The following DSEL variants were observed in gnomAD, a reference collection of about 807,000 sequenced individuals.
DSEL encodes dermatan sulfate epimerase like, also known as dermatan-sulfate epimerase-like protein.
A neutral mutation model predicts 96.6 loss-of-function variants in DSEL; 61 were observed. That is an observed-to-expected ratio of 0.63 (90% confidence interval 0.51 to 0.78). The LOEUF (loss-of-function observed/expected upper bound fraction) is 0.78. DSEL is among the 30% of genes least tolerant of loss of function. The probability of loss-of-function intolerance (pLI) is 0.00; values close to 1 mark genes in which losing one functional copy is unlikely to be tolerated. For missense variants in DSEL, 1,320 were observed against 1,430.8 expected, an observed-to-expected ratio of 0.92 and a Z score of 1.25; for synonymous variants, 514 against 502.0, an observed-to-expected ratio of 1.02 and a Z score of -0.32.
chr18:67,511,236 C>T lies in DSEL; in HGVS notation c.3373G>A (p.Val1125Ile). 1 of 1,613,500 alleles carries T rather than the reference C, an allele frequency of 6.2e-7. No individual in the cohort carries two copies. The change falls in exon 2 of 2, where the codon GTC (valine) becomes ATC (isoleucine). Residue 1125 changes from valine to isoleucine, a missense_variant. Physicochemically the swap from Val to Ile is conservative, Grantham distance 29. Transcript: ENST00000310045. Reference sequence around the variant, plus strand: ...AAATGCACAATATCTTCAAACTTGACCAGCTGGTAGCTAGTAGGCAGCAAA... The same window carrying T: ...AAATGCACAATATCTTCAAACTTGATCAGCTGGTAGCTAGTAGGCAGCAAA... ...TDLLPTSYQL[V>I]KFEDIVHFPQ...
Position 67,507,346 on chromosome 18 carries a change from CAAAAAAAAAAAAAA to C in DSEL, c.*3610_*3623del, listed in dbSNP as rs10708668. On this transcript the variant is annotated 3_prime_UTR_variant, in exon 2 of 2. Coordinates refer to ENST00000310045, the MANE Select transcript of DSEL (RefSeq NM_032160.3). ...TGGGCAACAAAGTGAGACTCCATCC[CAAAAAAAAAAAAAA>C]AAAAAAAAAAAAGAATGTTAGGTAT... 3.6e-5 allele frequency: 2 copies of C among 55,032 alleles called. No individual in the cohort carries two copies. The highest frequency in any genetic ancestry group is 7.9e-5 in the African/African-American group (1 of 12,596). The allele number at this position is 55,032 out of a possible 1,614,324, so 3.4% of individuals were successfully genotyped here. A position where few individuals can be genotyped will look rare whatever the true frequency, so the allele number is the denominator to read the frequency against.
In DSEL at chr18:67,512,540, G is replaced by A. The variant is rs1336508673; in HGVS notation, c.2069C>T (p.Ser690Phe). 3 of 1,614,016 alleles carry A rather than the reference G, an allele frequency of 1.9e-6. No individual in the cohort carries two copies. In the African/African-American group the frequency reaches 4.0e-5, roughly 22 times the overall value. Residue 690 changes from serine (S) to phenylalanine (F), a missense_variant, in exon 2 of 2, where the codon TCC (serine) becomes TTC (phenylalanine). Ser to Phe is a radical substitution (Grantham distance 155). Coordinates refer to ENST00000310045, the MANE Select transcript of DSEL (RefSeq NM_032160.3). ...YVFYGPYINV[S>F]SCRFIDSSNP... Reference sequence around the variant, plus strand: ...GGAACTATCAATAAATCTGCAGCTGGAGACATTGATATATGGCCCATAAAA... The same window carrying A: ...GGAACTATCAATAAATCTGCAGCTGAAGACATTGATATATGGCCCATAAAA...
Position 67,511,326 on chromosome 18 carries a change from C to A in DSEL, c.3283G>T (p.Ala1095Ser), listed in dbSNP as rs1270079247. The change falls in exon 2 of 2, where the codon GCA becomes TCA. Residue 1095 changes from alanine to serine, a missense_variant. Physicochemically the swap from Ala to Ser is moderately conservative, Grantham distance 99. This residue lies in a region of DSEL where 986 missense variants were observed against 1,066.4 expected (regional missense o/e 0.92). Transcript: ENST00000310045. The stretch of plus-strand genomic sequence containing the variant: ...CACAAGTGAGACAAGAGGGACACTG[C>A]ATTTGATTTGGATTTTGATAATTCT... ...RKELSKSKSNAVSLLSHLWLA... is the reference protein window; with the variant it reads ...RKELSKSKSNSVSLLSHLWLA... 6.2e-7 allele frequency: 1 copy of A among 1,606,514 alleles called. No individual in the cohort carries two copies. The highest frequency in any genetic ancestry group is 2.2e-5 in the East Asian group (1 of 44,874).
Position 67,511,411 on chromosome 18 carries a change from T to G in DSEL, c.3198A>C (p.Gly1066=). ...EHLAKLFKIE[G]GKGKCNLNSG... is the part of the protein sequence containing the mutation. ...AATTTAAGTTACATTTGCCTTTACC[T>G]CCCTCTATTTTAAACAATTTTGCTA... Residue 1066 remains glycine (G), a synonymous_variant, in exon 2 of 2, where the codon GGA becomes GGC. Transcript: ENST00000310045. 1 of 1,603,952 alleles carries G rather than the reference T, an allele frequency of 6.2e-7. No individual in the cohort carries two copies. The highest frequency in any genetic ancestry group is 1.1e-5 in the South Asian group (1 of 91,074).
chr18:67,508,904 ACTT>A lies in DSEL; in HGVS notation c.*2063_*2065del, dbSNP rs902224998. ...CCACCACGCCCGGCTAATTTTTTGTACTTTTTTTTTTAGTAGAGACGGGGTTTC... is the reference window on the plus strand; with the variant it reads ...CCACCACGCCCGGCTAATTTTTTGTATTTTTTTTAGTAGAGACGGGGTTTC... On this transcript the variant is annotated 3_prime_UTR_variant, in exon 2 of 2. Transcript: ENST00000310045. 1.2e-5 allele frequency: 1 copy of A among 86,540 alleles called. No individual in the cohort carries two copies. The highest frequency in any genetic ancestry group is 2.6e-5 in the Non-Finnish European group (1 of 39,112). 5.4% of individuals were successfully genotyped at this position (86,540 alleles called of 1,614,324 possible).
rs935355764 is a variant in DSEL, at chr18:67,510,715, C to T, written c.*255G>A. 2.3e-6 allele frequency: 1 copy of T among 442,928 alleles called. No individual in the cohort carries two copies. Among genetic ancestry groups the T allele is most frequent in the African/African-American group, 2.0e-5 (1 of 49,174 alleles). 27.4% of individuals were successfully genotyped at this position (442,928 alleles called of 1,614,324 possible). A position where few individuals can be genotyped will look rare whatever the true frequency, so the allele number is the denominator to read the frequency against. Reference sequence around the variant, plus strand: ...GACCCCATGATATAACTTCATCTACCACTCTGTAGCAGAAACTTTTTAGCA... The same window carrying T: ...GACCCCATGATATAACTTCATCTACTACTCTGTAGCAGAAACTTTTTAGCA... On this transcript the variant is annotated 3_prime_UTR_variant, in exon 2 of 2. Transcript: ENST00000310045.
chr18:67,512,033 G>A lies in DSEL; in HGVS notation c.2576C>T (p.Ser859Leu), dbSNP rs919422120. The change falls in exon 2 of 2, where the codon TCA (serine) becomes TTA (leucine). Residue 859 changes from serine (S) to leucine (L), a missense_variant. By Grantham distance (145) the Ser-to-Leu change is moderately radical. This residue lies in a region of DSEL where 986 missense variants were observed against 1,066.4 expected (regional missense o/e 0.92). Transcript: ENST00000310045. ...HMDLPDVVITSLPGSGAEILK... is the reference protein window; with the variant it reads ...HMDLPDVVITLLPGSGAEILK... Reference sequence around the variant, plus strand: ...AATTTCAGCTCCTGAACCAGGAAGTGAGGTAATGACAACATCAGGAAGATC... The same window carrying A: ...AATTTCAGCTCCTGAACCAGGAAGTAAGGTAATGACAACATCAGGAAGATC... 6.2e-7 allele frequency: 1 copy of A among 1,613,956 alleles called. No homozygotes were observed. Among genetic ancestry groups the A allele is most frequent in the African/African-American group, 1.3e-5 (1 of 74,938 alleles).
Position 67,510,862 on chromosome 18 carries a change from G to A in DSEL, c.*108C>T, listed in dbSNP as rs910631779. 1.7e-5 allele frequency: 14 copies of A among 817,610 alleles called. No individual in the cohort carries two copies. The East Asian group carries it at 1.9e-4, about 11-fold the overall frequency. The allele number at this position is 817,610 out of a possible 1,614,324, so 50.6% of individuals were successfully genotyped here. Reference sequence around the variant, plus strand: ...TGCAAACAACACTGAACACATACACGCGTGCACACACACACACACACTAAA... The same window carrying A: ...TGCAAACAACACTGAACACATACACACGTGCACACACACACACACACTAAA... On this transcript the variant is annotated 3_prime_UTR_variant, in exon 2 of 2. Transcript: ENST00000310045.
rs752742986 is a variant in DSEL, at chr18:67,511,229, A to G, written c.3380T>C (p.Phe1127Ser). ...LLPTSYQLVKFEDIVHFPQKT... is the reference protein window; with the variant it reads ...LLPTSYQLVKSEDIVHFPQKT... The stretch of plus-strand genomic sequence containing the variant: ...CTGAGGAAAATGCACAATATCTTCA[A>G]ACTTGACCAGCTGGTAGCTAGTAGG... The change falls in exon 2 of 2, where the codon TTT (phenylalanine) becomes TCT (serine). Residue 1127 changes from phenylalanine (F) to serine (S), a missense_variant. Physicochemically the swap from Phe to Ser is radical, Grantham distance 155. This residue lies in a region of DSEL where 986 missense variants were observed against 1,066.4 expected (regional missense o/e 0.92). Transcript: ENST00000310045. The G allele has an allele frequency of 6.2e-7, 1 of 1,613,706 alleles. No individual in the cohort carries two copies. Among genetic ancestry groups the G allele is most frequent in the Admixed American group, 1.7e-5 (1 of 60,026 alleles).
At position 67,516,701 on chromosome 18, in the gene DSEL, C is replaced by T. The variant is rs1210933305; in HGVS notation, c.-1225G>A. 3.3e-5 allele frequency: 5 copies of T among 151,622 alleles called. No homozygotes were observed. Among genetic ancestry groups the T allele is most frequent in the African/African-American group, 1.2e-4 (5 of 41,252 alleles). The allele number at this position is 151,622 out of a possible 1,614,324, so 9.4% of individuals were successfully genotyped here. A position where few individuals can be genotyped will look rare whatever the true frequency, so the allele number is the denominator to read the frequency against. On this transcript the variant is annotated 5_prime_UTR_variant, in exon 1 of 2. Transcript: ENST00000310045. The surrounding 1 kb of genome is among the most constrained non-coding windows in gnomAD (Gnocchi z 5.6). Reference sequence around the variant, plus strand: ...CCGCGTGCCCAGGCGGTGATGTCGCCGCGGCCGAGGATCCTCTGTGCCAGC... The same window carrying T: ...CCGCGTGCCCAGGCGGTGATGTCGCTGCGGCCGAGGATCCTCTGTGCCAGC...
At position 67,510,783 on chromosome 18, in the gene DSEL, AAAAT is replaced by A. The variant is rs2089436820; in HGVS notation, c.*183_*186del. 2.0e-6 allele frequency: 1 copy of A among 497,930 alleles called. No homozygotes were observed. The highest frequency in any genetic ancestry group is 3.4e-6 in the Non-Finnish European group (1 of 293,046). The allele number at this position is 497,930 out of a possible 1,614,324, so 30.8% of individuals were successfully genotyped here. A position where few individuals can be genotyped will look rare whatever the true frequency, so the allele number is the denominator to read the frequency against. On this transcript the variant is annotated 3_prime_UTR_variant, in exon 2 of 2. Transcript: ENST00000310045. ...CAAAGGCAAGGGAGGTGATGACATA[AAAAT>A]AAATCCTGCTAGGCCAAATATGGTG...
In DSEL at chr18:67,511,701, G is replaced by T. The variant is rs768953827; in HGVS notation, c.2908C>A (p.Gln970Lys). 2 of 1,614,056 alleles carry T rather than the reference G, an allele frequency of 1.2e-6. No individual in the cohort carries two copies. Among genetic ancestry groups the T allele is most frequent in the Non-Finnish European group, 8.5e-7 (1 of 1,179,994 alleles). Residue 970 changes from glutamine to lysine, a missense_variant, in exon 2 of 2, where the codon CAA becomes AAA. Around this residue, in one of 3 missense-constraint regions of DSEL, gnomAD observed 986 missense variants for 1,066.4 expected, o/e 0.92. Coordinates refer to ENST00000310045, the MANE Select transcript of DSEL (RefSeq NM_032160.3). The stretch of plus-strand genomic sequence containing the variant: ...AAGGCGCCTTTCATTTGACTTCTTT[G>T]TTCTGGCAAAGACTCTCTCCTTTTA... ...KFKRRESLPE[Q>K]RSQMKGAFDR... is the part of the protein sequence containing the mutation.
At position 67,514,357 on chromosome 18, in the gene DSEL, C is replaced by T; in HGVS notation, c.252G>A (p.Leu84=). 6.2e-7 allele frequency: 1 copy of T among 1,614,182 alleles called. No individual in the cohort carries two copies. Among genetic ancestry groups the T allele is most frequent in the Non-Finnish European group, 8.5e-7 (1 of 1,180,028 alleles). The part of the protein sequence containing the change: ...AMRQKSRASH[L]HLFRAIRSAV... ...CACTTCTGATAGCTCTAAAAAGATG[C>T]AAATGGCTTGCACGAGACTTTTGTC... is the stretch of plus-strand genomic sequence containing the variant. Residue 84 remains leucine (L), a synonymous_variant, in exon 2 of 2, where the codon TTG becomes TTA. Transcript: ENST00000310045.
Position 67,512,734 on chromosome 18 carries a change from C to T in DSEL, c.1875G>A (p.Met625Ile). ...TTTTGTAATGTGCATCCCACACATCCATCATGGCACCATTATACCTATTCA... is the reference window on the plus strand; with the variant it reads ...TTTTGTAATGTGCATCCCACACATCTATCATGGCACCATTATACCTATTCA... Reference protein sequence around the residue: ...KFMNRYNGAMMDVWDAHYKMF... With the variant: ...KFMNRYNGAMIDVWDAHYKMF... Residue 625 changes from methionine (M) to isoleucine (I), a missense_variant, in exon 2 of 2, where the codon ATG (methionine) becomes ATA (isoleucine). Met to Ile is a conservative substitution (Grantham distance 10, BLOSUM62 1). Around this residue, in one of 3 missense-constraint regions of DSEL, gnomAD observed 986 missense variants for 1,066.4 expected, o/e 0.92. Transcript: ENST00000310045. The T allele has an allele frequency of 6.2e-7, 1 of 1,614,120 alleles. No homozygotes were observed. Among genetic ancestry groups the T allele is most frequent in the East Asian group, 2.2e-5 (1 of 44,882 alleles).
Position 67,510,837 on chromosome 18 carries a change from T to C in DSEL, c.*133A>G, listed in dbSNP as rs1368610399. 7 of 676,908 alleles carry C rather than the reference T, an allele frequency of 1.0e-5. No homozygotes were observed. Among genetic ancestry groups the C allele is most frequent in the Middle Eastern group, 4.2e-4 (1 of 2,398 alleles). 41.9% of individuals were successfully genotyped at this position (676,908 alleles called of 1,614,324 possible). ...GCCATTTTTTAAAACAATCTCTCTG[T>C]GCAAACAACACTGAACACATACACG... is the stretch of plus-strand genomic sequence containing the variant. On this transcript the variant is annotated 3_prime_UTR_variant, in exon 2 of 2. Coordinates refer to ENST00000310045, the MANE Select transcript of DSEL (RefSeq NM_032160.3).
chr18:67,512,947 C>T lies in DSEL; in HGVS notation c.1662G>A (p.Gly554=). The T allele has an allele frequency of 1.9e-6, 3 of 1,614,190 alleles. No individual in the cohort carries two copies. Among genetic ancestry groups the T allele is most frequent in the African/African-American group, 1.3e-5 (1 of 75,036 alleles). Residue 554 remains glycine, a synonymous_variant, in exon 2 of 2, where the codon GGG becomes GGA. Coordinates refer to ENST00000310045, the MANE Select transcript of DSEL (RefSeq NM_032160.3). ...CTGAAGAATAAGCAGACACGGCTTC[C>T]CCACTCACAAATACCATTTCCCCAT... The part of the protein sequence containing the change: ...SQHGEMVFVS[G]EAVSAYSSAM...
Position 67,514,557 on chromosome 18 carries a change from C to G in DSEL, c.52G>C (p.Ala18Pro), listed in dbSNP as rs1290270810. 1.4e-5 allele frequency: 23 copies of G among 1,614,026 alleles called. No homozygotes were observed. Among genetic ancestry groups the G allele is most frequent in the Non-Finnish European group, 1.9e-5 (22 of 1,180,018 alleles). Residue 18 changes from alanine (A) to proline (P), a missense_variant, in exon 2 of 2, where the codon GCT (alanine) becomes CCT (proline). This residue lies in a region of DSEL where 323 missense variants were observed against 333.1 expected (regional missense o/e 0.97). Coordinates refer to ENST00000310045, the MANE Select transcript of DSEL (RefSeq NM_032160.3). ...HLLFLALLMF[A>P]FSTFEESVSN... ...ACAGATTCCTCAAAAGTAGAGAAAG[C>G]AAACATCAATAATGCTAAGAATAGT...
At position 67,512,818 on chromosome 18, in the gene DSEL, A is replaced by G; in HGVS notation, c.1791T>C (p.Ser597=). Residue 597 remains serine, a synonymous_variant, in exon 2 of 2, where the codon TCT becomes TCC. Coordinates refer to ENST00000310045, the MANE Select transcript of DSEL (RefSeq NM_032160.3). The part of the protein sequence containing the change: ...IERQEDSPIN[S]VSAFFHNLDI... ...CCAAATTATGAAAGAAGGCACTGAC[A>G]GAATTTATTGGGGAATCTTCTTGCC... 6.2e-7 allele frequency: 1 copy of G among 1,614,062 alleles called. No homozygotes were observed. Among genetic ancestry groups the G allele is most frequent in the Non-Finnish European group, 8.5e-7 (1 of 1,180,038 alleles).
rs137895691 is a variant in DSEL, at chr18:67,511,206, G to A, written c.3403C>T (p.Gln1135Ter). 16 of 1,613,854 alleles carry A rather than the reference G, an allele frequency of 9.9e-6. No homozygotes were observed. The African/African-American group carries it at 1.6e-4, about 16-fold the overall frequency. The change falls in exon 2 of 2, where the codon CAG becomes TAG. Residue 1135 changes from glutamine (Q) to a stop codon, truncating the protein, a stop_gained. Transcript: ENST00000310045. LOFTEE classifies it high-confidence loss of function. The part of the protein sequence containing the change: ...VKFEDIVHFP[Q>*]KTTERIFAFL... The stretch of plus-strand genomic sequence containing the variant: ...GCAAAAATCCTTTCAGTAGTTTTCT[G>A]AGGAAAATGCACAATATCTTCAAAC...
Sources: allele counts gnomAD v4.1 joint callset, GRCh38; gene constraint gnomAD v4.1.1; regional missense constraint gnomAD v4.1.1; non-coding constraint Gnocchi (gnomAD v3.1); transcripts MANE v1.5; gene names NCBI Gene and HGNC (gene_info 2026-07-23, HGNC 2026-07-21).